The following DBNDD1 variants were observed in gnomAD, a reference collection of about 807,000 sequenced individuals.
DBNDD1 encodes the protein dysbindin domain-containing protein 1.
In DBNDD1, 14 loss-of-function variants were observed where a neutral mutation model predicts 17.0. That is an observed-to-expected ratio of 0.82 (90% CI 0.54 to 1.29). The LOEUF (loss-of-function observed/expected upper bound fraction) is 1.29, where lower values mean the gene tolerates loss of function less well. Ranked by LOEUF, DBNDD1 falls within the 50% of genes most tolerant of loss-of-function variation. The probability of loss-of-function intolerance (pLI) is 0.00; values close to 1 mark genes in which losing one functional copy is unlikely to be tolerated. For missense variants in DBNDD1, 221 were observed against 216.2 expected (o/e 1.02, Z -0.14); for synonymous variants, 105 against 102.0 (o/e 1.03, Z -0.18).
intron 1 of DBNDD1, among the ~76,000 whole-genome samples, chr16:90,017,238 G>A (rs1242378517): frequency 6.6e-6 from 1 of 152,254 alleles, no homozygotes; most frequent in African/African-American, 2.4e-5. Context: ...GCTGACGCCT[G>A]TAATCCCAGC....
At chr16:90,013,262 T>TAAAAAAAAAAAGAAA (rs2035586745) in intron 1 of DBNDD1, among the ~76,000 whole-genome samples, 1 of 49,182 alleles carries the variant, frequency 2.0e-5, no homozygotes, top group Non-Finnish European at 4.4e-5. Context: ...AACCTTGCCT[T>TAAAAAAAAAAAGAAA]AAAAAAAAAA....
intron 1 of DBNDD1, among the ~76,000 whole-genome samples, chr16:90,017,110 T>C (rs1333531405): frequency 1.3e-5 from 2 of 152,258 alleles, no homozygotes; most frequent in African/African-American, 4.8e-5. Flanking sequence ...CACATTCCTG[T>C]GCACACGTGC....
intron 1 of DBNDD1, among the ~76,000 whole-genome samples, chr16:90,014,442 G>A (rs1212158117): frequency 1.3e-5 from 2 of 152,032 alleles, no homozygotes; most frequent in South Asian, 4.1e-4. Flanking sequence ...GCATTTTTAC[G>A]ACGAGGCCAG....
intron 1 of DBNDD1, among the ~76,000 whole-genome samples, chr16:90,014,117 T>A (rs1057392119): frequency 1.3e-5 from 2 of 151,994 alleles, no homozygotes; most frequent in East Asian, 3.9e-4. Flanking sequence ...CCTGAATTTT[T>A]AAATTATTAT....
At chr16:90,009,991 C>T (rs2035519938) in intron 1 of DBNDD1, 2 of 1,614,080 alleles carry the variant, frequency 1.2e-6, no homozygotes, top group Non-Finnish European at 1.7e-6. Context: ...TTCTGTGATC[C>T]CTTAGCCACC....
At chr16:90,014,459 C>A (rs1275858686) in intron 1 of DBNDD1, among the ~76,000 whole-genome samples, 1 of 152,112 alleles carries the variant, frequency 6.6e-6, no homozygotes, top group Admixed American at 6.5e-5. Context: ...CCAGCAAGGG[C>A]ACAGTCCAGA....
At chr16:90,017,656 C>T (rs903408863) in intron 1 of DBNDD1, among the ~76,000 whole-genome samples, 2 of 152,188 alleles carry the variant, frequency 1.3e-5, no homozygotes, top group East Asian at 1.9e-4. Flanking sequence ...GCCTTTGTCC[C>T]GCCGTTCTCT....
At chr16:90,012,718 C>G (rs2035575999) in intron 1 of DBNDD1, among the ~76,000 whole-genome samples, 1 of 151,900 alleles carries the variant, frequency 6.6e-6, no homozygotes, top group African/African-American at 2.4e-5. Flanking sequence ...CTCGGCCTCC[C>G]AAAGTGCTGG....
At chr16:90,017,309 C>T (rs2035656077) in intron 1 of DBNDD1, among the ~76,000 whole-genome samples, 1 of 152,116 alleles carries the variant, frequency 6.6e-6, no homozygotes, top group South Asian at 2.1e-4. Context: ...TCCTGGCTAA[C>T]ACAGTGAAAC....
intron 1 of DBNDD1, among the ~76,000 whole-genome samples, chr16:90,013,543 C>T (rs559498503): frequency 1.3e-5 from 2 of 152,242 alleles, no homozygotes; most frequent in South Asian, 2.1e-4. Flanking sequence ...CCAGGGATCC[C>T]GGTTCAGGGC....
chr16:90,007,913 C>G (rs2035462005), intron 3 of DBNDD1, among the ~76,000 whole-genome samples: 1 of 151,636 alleles, frequency 6.6e-6, no homozygotes, highest in African/African-American at 2.4e-5. Flanking sequence ...CCCAGGACGT[C>G]CCAAGGGGCC....
chr16:90,010,865 T>G (rs918945935), intron 1 of DBNDD1, among the ~76,000 whole-genome samples: 2 of 152,236 alleles, frequency 1.3e-5, no homozygotes, highest in Non-Finnish European at 2.9e-5. Context: ...TGTCCCTGGG[T>G]GCATGCCCCC....
chr16:90,019,613 GGACCCCTCCCCCGCC>G (rs1420481612), upstream of DBNDD1: 2 of 365,928 alleles, frequency 5.5e-6, no homozygotes, highest in African/African-American at 4.3e-5. The surrounding 1 kb of genome is among the most constrained non-coding windows in gnomAD (Gnocchi z 6.1). Context: ...CTGGCCCAGC[GGACCCCTCCCCCGCC>G]GACCCTTCCC....
At chr16:90,018,114 AG>A (rs2035676459) in intron 1 of DBNDD1, among the ~76,000 whole-genome samples, 1 of 152,234 alleles carries the variant, frequency 6.6e-6, no homozygotes, top group African/African-American at 2.4e-5. Context: ...TGAGGCTCAC[AG>A]GGGCCTGACT....
chr16:90,019,885 C>G (rs772125471), upstream of DBNDD1: 16 of 656,728 alleles, frequency 2.4e-5, no homozygotes, highest in South Asian at 1.2e-4. This position sits in a 1 kb window ranked among gnomAD's most constrained non-coding sequence, Gnocchi z 6.1. Context: ...CTGGATGGCG[C>G]GAATTAACGC....
At chr16:90,013,304 T>C (rs1235647981) in intron 1 of DBNDD1, among the ~76,000 whole-genome samples, 2 of 100,054 alleles carry the variant, frequency 2.0e-5, no homozygotes, top group African/African-American at 3.3e-5. Context: ...TATGGTTTTC[T>C]AGTACAGTCC....
intron 1 of DBNDD1, among the ~76,000 whole-genome samples, chr16:90,013,262 T>TAAAGAAA (rs2035586416): frequency 2.0e-5 from 1 of 49,182 alleles, no homozygotes; most frequent in African/African-American, 7.0e-5. Flanking sequence ...AACCTTGCCT[T>TAAAGAAA]AAAAAAAAAA....
chr16:90,009,326 G>A lies in DBNDD1; in HGVS notation c.136C>T (p.Pro46Ser). Residue 46 changes from proline to serine, a missense_variant, in exon 2 of 4, where the codon CCA (proline) becomes TCA (serine). Physicochemically the swap from Pro to Ser is moderately conservative, Grantham distance 74. Transcript: ENST00000002501. ...TPVEEEVGGI[P>S]VPAPGLLQVT... is the part of the protein sequence containing the mutation. ...TGCAGGAGCCCCGGTGCTGGTACTG[G>A]GATGCCCCCGACCTCCTCCTCCACA... 1 of 1,613,546 alleles carries A rather than the reference G, an allele frequency of 6.2e-7. No homozygotes were observed. Among genetic ancestry groups the A allele is most frequent in the Non-Finnish European group, 8.5e-7 (1 of 1,179,990 alleles).
chr16:90,007,947 G>A (rs2035463971), intron 3 of DBNDD1, among the ~76,000 whole-genome samples: 1 of 147,504 alleles, frequency 6.8e-6, no homozygotes. Flanking sequence ...ACACCTCCCA[G>A]GACTTCCCAA....
Sources: allele counts gnomAD v4.1 joint callset (sites outside exome capture counted in the v4.1 genomes callset), GRCh38; gene constraint gnomAD v4.1.1; non-coding constraint Gnocchi (gnomAD v3.1); transcripts MANE v1.5; gene names NCBI Gene and HGNC (gene_info 2026-07-23, HGNC 2026-07-21).